Variants in KSR1 observed in about 807,000 individuals in gnomAD.
KSR1 encodes the protein kinase suppressor of ras 1.
Under a neutral mutation model 92.9 loss-of-function variants are expected in KSR1, and 35 were observed. The ratio of observed to expected loss-of-function variants is 0.38; its 90% CI spans 0.29 to 0.50. KSR1 has a LOEUF of 0.50. KSR1 is among the 20% of genes least tolerant of loss of function. KSR1 has a pLI of 0.94. For synonymous variants in KSR1, 467 were observed against 472.6 expected, an observed-to-expected ratio of 0.99 and a Z score of 0.15; for missense variants, 972 against 1,158.5, an observed-to-expected ratio of 0.84 and a Z score of 2.34.
chr17:27,505,313 G>GC (rs1377490396), intron 1 of KSR1, among the ~76,000 whole-genome samples: 3 of 152,176 alleles, frequency 2.0e-5, no homozygotes, highest in African/African-American at 7.2e-5. Context: ...CCCTGAGATG[G>GC]CCATCCCCCA....
At chr17:27,497,271 G>A (rs1479441549) in intron 1 of KSR1, among the ~76,000 whole-genome samples, 1 of 152,238 alleles carries the variant, frequency 6.6e-6, no homozygotes, top group African/African-American at 2.4e-5. Context: ...GGCTGAAGCT[G>A]GGGAAGATTG....
In KSR1 at chr17:27,590,861, G is replaced by A; in HGVS notation, c.1097G>A (p.Ser366Asn). ...LSQVCHVCQKSMIFGVKCKHC... is the reference protein window; with the variant it reads ...LSQVCHVCQKNMIFGVKCKHC... ...CAGGTCTGCCACGTGTGCCAGAAGAGCATGATATTTGGAGTGAAGTGCAAG... is the reference window on the plus strand; with the variant it reads ...CAGGTCTGCCACGTGTGCCAGAAGAACATGATATTTGGAGTGAAGTGCAAG... The change falls in exon 7 of 21, where the codon AGC becomes AAC. Residue 366 changes from serine (S) to asparagine (N), a missense_variant. Ser to Asn is a conservative substitution (Grantham distance 46). Coordinates refer to ENST00000644974, the MANE Select transcript of KSR1 (RefSeq NM_001394583.1). 6.2e-7 allele frequency: 1 copy of A among 1,612,304 alleles called. No homozygotes were observed.
chr17:27,494,108 CAGA>C (rs2068906983), intron 1 of KSR1, among the ~76,000 whole-genome samples: 1 of 151,872 alleles, frequency 6.6e-6, no homozygotes, highest in South Asian at 2.1e-4. Flanking sequence ...TCTGTGAATT[CAGA>C]AGAAGTCTCC....
chr17:27,617,950 G>A (rs2074110910), intron 19 of KSR1, among the ~76,000 whole-genome samples: 1 of 152,166 alleles, frequency 6.6e-6, no homozygotes, highest in Middle Eastern at 3.2e-3. Flanking sequence ...CCTTTGACAG[G>A]TGAGCACCTC....
In KSR1 at chr17:27,605,645, G is replaced by A. The variant is rs766513109; in HGVS notation, c.1826G>A (p.Arg609His). Residue 609 changes from arginine to histidine, a missense_variant, in exon 14 of 21, where the codon CGC becomes CAC. Arg to His is a conservative substitution (Grantham distance 29). Coordinates refer to ENST00000644974, the MANE Select transcript of KSR1 (RefSeq NM_001394583.1). Reference protein sequence around the residue: ...QGRWGRVHRGRWHGEVAIRLL... With the variant: ...QGRWGRVHRGHWHGEVAIRLL... ...CGCTGGGGCCGGGTGCACCGCGGCC[G>A]CTGGCATGGCGAGGTGGCCATTCGC... The A allele has an allele frequency of 6.2e-6, 10 of 1,611,404 alleles. No individual in the cohort carries two copies. Among genetic ancestry groups the A allele is most frequent in the Non-Finnish European group, 8.5e-6 (10 of 1,179,376 alleles).
At chr17:27,498,698 G>A (rs955823646) in intron 1 of KSR1, among the ~76,000 whole-genome samples, 18 of 152,162 alleles carry the variant, frequency 1.2e-4, no homozygotes, top group Non-Finnish European at 1.2e-4. Context: ...AGAATTTCCT[G>A]GAGACTGTTA....
Position 27,609,229 on chromosome 17 carries a change from C to T in KSR1, c.2125C>T (p.His709Tyr). 6.2e-7 allele frequency: 1 copy of T among 1,614,000 alleles called. No individual in the cohort carries two copies. Among genetic ancestry groups the T allele is most frequent in the South Asian group, 1.1e-5 (1 of 91,084 alleles). The change falls in exon 16 of 21, where the codon CAC becomes TAC. Residue 709 changes from histidine (H) to tyrosine (Y), a missense_variant. Physicochemically the swap from His to Tyr is moderately conservative, Grantham distance 83. Around this residue, in one of 5 missense-constraint regions of KSR1, gnomAD observed 260 missense variants for 375.2 expected, o/e 0.69. Transcript: ENST00000644974. The stretch of plus-strand genomic sequence containing the variant: ...ATATCTTCATGCCAAGGGCATCGTA[C>T]ACAAAGATCTCAAATCTAAGAACGT... Reference protein sequence around the residue: ...MGYLHAKGIVHKDLKSKNVFY... With the variant: ...MGYLHAKGIVYKDLKSKNVFY...
intron 9 of KSR1, among the ~76,000 whole-genome samples, chr17:27,594,980 C>T (rs1253702993): frequency 6.6e-6 from 1 of 152,180 alleles, no homozygotes; most frequent in Non-Finnish European, 1.5e-5. Flanking sequence ...GGGTCCTGAG[C>T]CTTGGAGCAT....
chr17:27,504,411 T>G (rs137902150), intron 1 of KSR1, among the ~76,000 whole-genome samples: 161 of 151,990 alleles, frequency 1.1e-3, no homozygotes, highest in East Asian at 9.3e-3. Flanking sequence ...TTGAGTGAGT[T>G]GGGATATGGG....
chr17:27,541,579 G>A (rs541279431), intron 1 of KSR1, among the ~76,000 whole-genome samples: 1 of 152,284 alleles, frequency 6.6e-6, no homozygotes, highest in East Asian at 1.9e-4. Context: ...GCTTTGGATC[G>A]CAAAAGAGGT....
At chr17:27,552,660 A>G (rs1015412459) in intron 2 of KSR1, among the ~76,000 whole-genome samples, 1 of 152,136 alleles carries the variant, frequency 6.6e-6, no homozygotes, top group East Asian at 1.9e-4. Context: ...AAGTGACCCA[A>G]AGATTTCTTA....
At chr17:27,543,130 G>A (rs1160690438) in intron 1 of KSR1, among the ~76,000 whole-genome samples, 3 of 152,220 alleles carry the variant, frequency 2.0e-5, no homozygotes, top group Admixed American at 6.5e-5. Context: ...TGTGGAAGCC[G>A]CCCGTGGGAG....
intron 1 of KSR1, among the ~76,000 whole-genome samples, chr17:27,538,765 G>A (rs925642208): frequency 2.0e-5 from 3 of 152,172 alleles, no homozygotes; most frequent in African/African-American, 7.2e-5. Context: ...AGGGTGTGGC[G>A]GTTCGGGCGC....
chr17:27,618,091 G>A (rs1302920149), intron 19 of KSR1, among the ~76,000 whole-genome samples: 1 of 152,214 alleles, frequency 6.6e-6, no homozygotes, highest in Non-Finnish European at 1.5e-5. Context: ...TTAGAGTGAT[G>A]TGGTATTATA....
chr17:27,601,463 C>G (rs1172657523), intron 11 of KSR1, 62 bp downstream of exon 11: 13 of 1,389,704 alleles, frequency 9.4e-6, no homozygotes, highest in East Asian at 2.3e-5. Context: ...TCCTGCCCAC[C>G]TGGGCAGGGC....
At position 27,617,162 on chromosome 17, in the gene KSR1, G is replaced by A. The variant is rs1329402334; in HGVS notation, c.2494-133G>A. On this transcript the variant is annotated intron_variant, in intron 18 of 20. Transcript: ENST00000644974. ...CAGTTACTTCTCACCCCTTCATGTC[G>A]GCAGGGTGTTCAGGGGGCCGCCAGT... 29 of 918,024 alleles carry A rather than the reference G, an allele frequency of 3.2e-5. No individual in the cohort carries two copies. The East Asian group carries it at 5.9e-4, about 19-fold the overall frequency. 56.9% of individuals were successfully genotyped at this position (918,024 alleles called of 1,614,324 possible). A position where few individuals can be genotyped will look rare whatever the true frequency, so the allele number is the denominator to read the frequency against.
chr17:27,598,420 G>T (rs1301682410), intron 10 of KSR1, among the ~76,000 whole-genome samples: 2 of 152,338 alleles, frequency 1.3e-5, no homozygotes, highest in South Asian at 4.1e-4. Context: ...GCCAGCAGGA[G>T]GCCAGGGAGC....
chr17:27,579,185 C>G (rs984138743), intron 3 of KSR1: 3 of 152,362 alleles, frequency 2.0e-5, no homozygotes, highest in Admixed American at 6.5e-5. Flanking sequence ...TTCACGGGCA[C>G]CTGCTGGGAT....
intron 1 of KSR1, among the ~76,000 whole-genome samples, chr17:27,503,696 C>T (rs1398053149): frequency 2.0e-5 from 3 of 152,140 alleles, no homozygotes; most frequent in African/African-American, 7.2e-5. Context: ...TTGTTTTGAC[C>T]AGTGAACTAT....
Sources: allele counts gnomAD v4.1 joint callset (sites outside exome capture counted in the v4.1 genomes callset), GRCh38; gene constraint gnomAD v4.1.1; regional missense constraint gnomAD v4.1.1; transcripts MANE v1.5; gene names NCBI Gene and HGNC (gene_info 2026-07-23, HGNC 2026-07-21).